Variants in ZNF385D observed in about 807,000 individuals in gnomAD.
ZNF385D encodes zinc finger protein 385D.
Under a neutral mutation model 35.8 loss-of-function variants are expected in ZNF385D, and 15 were observed. That is an observed-to-expected ratio of 0.42 (90% confidence interval 0.28 to 0.64). The LOEUF is 0.64. Ranked by LOEUF, ZNF385D falls within the 30% of genes least tolerant of loss-of-function variation. The pLI, the probability that ZNF385D is intolerant of heterozygous loss-of-function variation, is 0.23. For synonymous variants in ZNF385D, 212 were observed against 186.8 expected, an observed-to-expected ratio of 1.13 and a Z score of -1.10; for missense variants, 474 against 494.6, an observed-to-expected ratio of 0.96 and a Z score of 0.39.
intron 2 of ZNF385D, among the ~76,000 whole-genome samples, chr3:22,200,348 A>T (rs1177533478): frequency 6.6e-6 from 1 of 151,986 alleles, no homozygotes; most frequent in East Asian, 1.9e-4. Context: ...GTCCGGGGAG[A>T]CATCACATGT....
Position 22,361,501 on chromosome 3 carries a change from T to G in ZNF385D, c.106+10949A>C, listed in dbSNP as rs1024091873. On this transcript the variant is annotated intron_variant, in intron 2 of 5. Coordinates refer to the ZNF385D transcript ENST00000494108. Reference sequence around the variant, plus strand: ...AGGTTATCTTCACATCAAATCTGACTGTGGTTATGAAGCCTATCTTGGAGT... The same window carrying G: ...AGGTTATCTTCACATCAAATCTGACGGTGGTTATGAAGCCTATCTTGGAGT... Among the ~76,000 whole-genome samples the G allele has an allele frequency of 2.0e-5, 3 of 152,176 alleles. No homozygotes were observed. The East Asian group carries it at 5.8e-4, about 29-fold the overall frequency.
intron 2 of ZNF385D, among the ~76,000 whole-genome samples, chr3:21,636,412 A>ATATATATATATG (rs2065449880): frequency 2.2e-5 from 1 of 44,654 alleles, no homozygotes; most frequent in East Asian, 3.9e-4. Context: ...ATATATATAT[A>ATATATATATATG]TAGAGTTTCT....
chr3:22,027,238 G>T (rs1697615754), intron 3 of ZNF385D, among the ~76,000 whole-genome samples: 1 of 152,198 alleles, frequency 6.6e-6, no homozygotes, highest in Admixed American at 6.5e-5. Flanking sequence ...GATTTTGGAG[G>T]CAACACATTC....
At chr3:22,024,080 A>ATAT (rs1697388034) in intron 3 of ZNF385D, among the ~76,000 whole-genome samples, 1 of 152,072 alleles carries the variant, frequency 6.6e-6, no homozygotes, top group African/African-American at 2.4e-5. Flanking sequence ...GCACAACCTA[A>ATAT]TCAGCTGCCA....
intron 3 of ZNF385D, among the ~76,000 whole-genome samples, chr3:21,933,686 T>C (rs1363246064): frequency 6.6e-6 from 1 of 152,206 alleles, no homozygotes; most frequent in Non-Finnish European, 1.5e-5. Flanking sequence ...AAATGGATCC[T>C]ACCTAAATAT....
chr3:22,077,054 CACAAG>C (rs1700499044), intron 3 of ZNF385D, among the ~76,000 whole-genome samples: 1 of 151,784 alleles, frequency 6.6e-6, no homozygotes, highest in African/African-American at 2.4e-5. Context: ...TCAGAAATAG[CACAAG>C]ACCTTAATAC....
chr3:21,748,595 G>T (rs2069898731), intron 1 of ZNF385D, among the ~76,000 whole-genome samples: 1 of 152,178 alleles, frequency 6.6e-6, no homozygotes, highest in Non-Finnish European at 1.5e-5. Flanking sequence ...CAAGTCACCA[G>T]AAAAGCCTAA....
intron 4 of ZNF385D, among the ~76,000 whole-genome samples, chr3:21,507,831 G>T (rs1041760257): frequency 6.6e-6 from 1 of 152,134 alleles, no homozygotes; most frequent in African/African-American, 2.4e-5. Flanking sequence ...ACTCAAATTT[G>T]TTAGCCTAGA....
At chr3:21,960,122 G>A (rs1313192895) in intron 3 of ZNF385D, among the ~76,000 whole-genome samples, 1 of 149,684 alleles carries the variant, frequency 6.7e-6, no homozygotes, top group African/African-American at 2.4e-5. Flanking sequence ...TCTGTAGAAG[G>A]GAAGAAAATA....
chr3:22,019,863 T>C (rs138644790), intron 3 of ZNF385D, among the ~76,000 whole-genome samples: 58 of 151,974 alleles, frequency 3.8e-4, no homozygotes, highest in African/African-American at 1.3e-3. Context: ...CACAGGGTCC[T>C]CTATGTATAA....
At chr3:22,120,470 C>G (rs1278001746) in intron 3 of ZNF385D, among the ~76,000 whole-genome samples, 1 of 152,106 alleles carries the variant, frequency 6.6e-6, no homozygotes, top group Non-Finnish European at 1.5e-5. Flanking sequence ...GTTCTATCCT[C>G]AAATAGTGTC....
At chr3:22,229,137 G>A (rs1576530634) in intron 2 of ZNF385D, among the ~76,000 whole-genome samples, 1 of 152,138 alleles carries the variant, frequency 6.6e-6, no homozygotes, top group Non-Finnish European at 1.5e-5. Context: ...AAAGAACCCT[G>A]AATAATATAT....
chr3:22,262,766 A>T (rs1221445967), intron 2 of ZNF385D, among the ~76,000 whole-genome samples: 1 of 151,958 alleles, frequency 6.6e-6, no homozygotes, highest in Non-Finnish European at 1.5e-5. Flanking sequence ...GAGGATTAAA[A>T]AAAAAGATAA....
At chr3:21,648,116 G>A (rs956299919) in intron 2 of ZNF385D, among the ~76,000 whole-genome samples, 1 of 152,078 alleles carries the variant, frequency 6.6e-6, no homozygotes, top group Non-Finnish European at 1.5e-5. Flanking sequence ...ATGTCATCTC[G>A]AATTGTAATC....
intron 2 of ZNF385D, among the ~76,000 whole-genome samples, chr3:22,281,097 C>T (rs1463447516): frequency 1.3e-5 from 2 of 152,020 alleles, no homozygotes; most frequent in African/African-American, 4.8e-5. Context: ...TACCCCAAAA[C>T]TTTACTGAAT....
chr3:22,288,214 C>A (rs9852567), intron 2 of ZNF385D, among the ~76,000 whole-genome samples: 1 of 151,860 alleles, frequency 6.6e-6, no homozygotes, highest in Non-Finnish European at 1.5e-5. Flanking sequence ...AAATAATGTG[C>A]CTCAGAGTGA....
At chr3:21,926,656 G>A (rs1453565685) in intron 3 of ZNF385D, among the ~76,000 whole-genome samples, 1 of 151,936 alleles carries the variant, frequency 6.6e-6, no homozygotes, top group African/African-American at 2.4e-5. Flanking sequence ...AACTCAAGAT[G>A]GATTAAAGAC....
At chr3:21,764,755 T>A (rs1271384037) in intron 3 of ZNF385D, among the ~76,000 whole-genome samples, 2 of 152,174 alleles carry the variant, frequency 1.3e-5, no homozygotes, top group Admixed American at 1.3e-4. Context: ...GTGCACTGAA[T>A]TCTATGTCAC....
rs1461655726 is a variant in ZNF385D, at chr3:21,420,736, G to A, written c.*478C>T. 6.5e-6 allele frequency: 1 copy of A among 154,178 alleles called. No homozygotes were observed. The highest frequency in any genetic ancestry group is 1.9e-4 in the East Asian group (1 of 5,252). The allele number at this position is 154,178 out of a possible 1,614,324, so 9.6% of individuals were successfully genotyped here. The stretch of plus-strand genomic sequence containing the variant: ...CCAGTAATTGCCGTCATAGCAAGAG[G>A]ACCAGCACGGGTAGTACTATTCACA... On this transcript the variant is annotated 3_prime_UTR_variant, in exon 8 of 8. Transcript: ENST00000281523.
Sources: allele counts gnomAD v4.1 joint callset (sites outside exome capture counted in the v4.1 genomes callset), GRCh38; gene constraint gnomAD v4.1.1; transcripts MANE v1.5; gene names NCBI Gene and HGNC (gene_info 2026-07-23, HGNC 2026-07-21).